Variants in MAP3K4 observed in about 807,000 individuals in gnomAD.
The protein encoded by MAP3K4 is MAP three kinase 1.
A neutral mutation model predicts 185.6 loss-of-function variants in MAP3K4; 67 were observed. That is an observed-to-expected ratio of 0.36 (90% CI 0.30 to 0.44). The LOEUF (loss-of-function observed/expected upper bound fraction) is 0.44. Among genes scored for constraint, MAP3K4 ranks in the 20% least tolerant of loss-of-function variants. The probability of loss-of-function intolerance (pLI) is 1.00; values close to 1 mark genes in which losing one functional copy is unlikely to be tolerated. For synonymous variants in MAP3K4, 702 were observed against 710.4 expected, an observed-to-expected ratio of 0.99 and a Z score of 0.19; for missense variants, 1,551 against 1,995.1, an observed-to-expected ratio of 0.78 and a Z score of 4.24.
chr6:160,997,212 A>C (rs1230990442), intron 1 of MAP3K4, among the ~76,000 whole-genome samples: 1 of 152,056 alleles, frequency 6.6e-6, no homozygotes, highest in African/African-American at 2.4e-5. Flanking sequence ...GGATCACCTT[A>C]TTGTCTCCAT....
In MAP3K4 at chr6:161,037,066, G is replaced by A. The variant is rs1489224721; in HGVS notation, c.343+2617G>A. On this transcript the variant is annotated intron_variant, in intron 2 of 26. Transcript: ENST00000392142. This position sits in a 1 kb window ranked among gnomAD's most constrained non-coding sequence, Gnocchi z 4.2. ...TGTATATTAGAAAGTGGCTTCACAT[G>A]TATGCCAGCTGGTGAACTATTTCTT... Among the ~76,000 whole-genome samples the A allele has an allele frequency of 6.6e-6, 1 of 152,158 alleles. No homozygotes were observed. Among genetic ancestry groups the A allele is most frequent in the Non-Finnish European group, 1.5e-5 (1 of 68,026 alleles).
rs1778235859 is a variant in MAP3K4 at position 161,109,148 on chromosome 6, T to A, written c.4236+289T>A. The A allele has an allele frequency of 1.5e-6, 1 of 664,958 alleles. No homozygotes were observed. Among genetic ancestry groups the A allele is most frequent in the African/African-American group, 1.8e-5 (1 of 55,168 alleles). 41.2% of individuals were successfully genotyped at this position (664,958 alleles called of 1,614,324 possible). On this transcript the variant is annotated intron_variant, in intron 22 of 26. Transcript: ENST00000392142. This position sits in a 1 kb window ranked among gnomAD's most constrained non-coding sequence, Gnocchi z 5.7. ...GCCCCTTACACCACTTCTTGTGACT[T>A]TTTTTCCGTTTTTTTGCTGAACCAC...
At position 161,091,269 on chromosome 6, in the gene MAP3K4, G is replaced by C; in HGVS notation, c.2974-110G>C. On this transcript the variant is annotated intron_variant, in intron 11 of 26. Transcript: ENST00000392142. This position sits in a 1 kb window ranked among gnomAD's most constrained non-coding sequence, Gnocchi z 5.5. The stretch of plus-strand genomic sequence containing the variant: ...AATTCCTTTACCAAGTGGCTGAATT[G>C]TTTGTAGTGGTTAATGTCTGTGTGA... 1.3e-6 allele frequency: 1 copy of C among 769,330 alleles called. No homozygotes were observed. The highest frequency in any genetic ancestry group is 2.0e-6 in the Non-Finnish European group (1 of 497,268). The allele number at this position is 769,330 out of a possible 1,614,324, so 47.7% of individuals were successfully genotyped here. A position where few individuals can be genotyped will look rare whatever the true frequency, so the allele number is the denominator to read the frequency against.
At chr6:161,095,159 C>G (rs545661250) in intron 15 of MAP3K4, among the ~76,000 whole-genome samples, 2 of 152,268 alleles carry the variant, frequency 1.3e-5, no homozygotes, top group South Asian at 4.1e-4. Context: ...TAATAGCGCT[C>G]TCTGGAGACT....
chr6:160,997,194 G>T (rs1309676532), intron 1 of MAP3K4, among the ~76,000 whole-genome samples: 3 of 151,910 alleles, frequency 2.0e-5, no homozygotes, highest in Non-Finnish European at 4.4e-5. Context: ...CTAATGGTGA[G>T]TCTCAGAGGA....
chr6:161,029,869 G>GA (rs1782840493), intron 1 of MAP3K4, among the ~76,000 whole-genome samples: 1 of 151,478 alleles, frequency 6.6e-6, no homozygotes, highest in African/African-American at 2.4e-5. Flanking sequence ...TTGTTTTAAA[G>GA]AAAAAAGAAT....
In MAP3K4 at chr6:161,089,337, C is replaced by A. The variant is rs746846804; in HGVS notation, c.2839C>A (p.Leu947Ile). The change falls in exon 11 of 27, where the codon CTA (leucine) becomes ATA (isoleucine). Residue 947 changes from leucine (L) to isoleucine (I), a missense_variant. Leu to Ile is a conservative substitution (Grantham distance 5). Around this residue, in one of 16 missense-constraint regions of MAP3K4, gnomAD observed 261 missense variants for 306.5 expected, o/e 0.85. Coordinates refer to ENST00000392142, the MANE Select transcript of MAP3K4 (RefSeq NM_005922.4). ...LRSMQVDNLL[L>I]VVMQSAHLTI... is the part of the protein sequence containing the mutation. ...TTCCTCCCAGGTGGATAATCTTTTA[C>A]TAGTTGTCATGCAGTCTGCGCATCT... is the stretch of plus-strand genomic sequence containing the variant. The A allele has an allele frequency of 6.2e-7, 1 of 1,613,656 alleles. No individual in the cohort carries two copies.
At chr6:161,029,695 T>A (rs764946224) in intron 1 of MAP3K4, among the ~76,000 whole-genome samples, 2 of 152,202 alleles carry the variant, frequency 1.3e-5, no homozygotes, top group Non-Finnish European at 2.9e-5. Flanking sequence ...CATGTAAACA[T>A]TCTGAACTGG....
At chr6:161,111,053 G>T (rs369372165) in intron 23 of MAP3K4, among the ~76,000 whole-genome samples, 1 of 152,182 alleles carries the variant, frequency 6.6e-6, no homozygotes, top group Non-Finnish European at 1.5e-5. Flanking sequence ...ATGTACAGTC[G>T]CTCGAGAAGA....
At chr6:161,085,499 C>T (rs1245248581) in intron 7 of MAP3K4, among the ~76,000 whole-genome samples, 1 of 152,202 alleles carries the variant, frequency 6.6e-6, no homozygotes, top group Non-Finnish European at 1.5e-5. Context: ...TCATATGAGT[C>T]AAACTTGGCG....
chr6:161,023,672 A>G (rs916448484), intron 1 of MAP3K4, among the ~76,000 whole-genome samples: 2 of 152,218 alleles, frequency 1.3e-5, no homozygotes, highest in African/African-American at 4.8e-5. Flanking sequence ...TGAAATCTGT[A>G]TTTTTAACAG....
rs1306600263 is a variant in MAP3K4, at chr6:161,109,146, CTT to C, written c.4236+293_4236+294del. 21 of 724,124 alleles carry C rather than the reference CTT, an allele frequency of 2.9e-5. 1 individual carries two copies. Among genetic ancestry groups the C allele is most frequent in the South Asian group, 2.7e-4 (17 of 62,078 alleles). 44.9% of individuals were successfully genotyped at this position (724,124 alleles called of 1,614,324 possible). On this transcript the variant is annotated intron_variant, in intron 22 of 26. Transcript: ENST00000392142. The surrounding 1 kb of genome is among the most constrained non-coding windows in gnomAD (Gnocchi z 5.7). ...ACGCCCCTTACACCACTTCTTGTGA[CTT>C]TTTTTCCGTTTTTTTGCTGAACCAC...
At chr6:160,992,714 G>C (rs1583073458) in intron 1 of MAP3K4, among the ~76,000 whole-genome samples, 1 of 152,254 alleles carries the variant, frequency 6.6e-6, no homozygotes, top group East Asian at 1.9e-4. Context: ...GGATTCATTT[G>C]TCTAAAACTT....
intron 1 of MAP3K4, among the ~76,000 whole-genome samples, chr6:160,999,357 T>G (rs577523537): frequency 1.5e-4 from 23 of 152,362 alleles, no homozygotes; most frequent in African/African-American, 5.3e-4. Flanking sequence ...CTAAAGTCTT[T>G]TTATATGGGA....
rs1785875052 is a variant in MAP3K4 at position 161,088,916 on chromosome 6, TTTC to T, written c.2824-403_2824-401del. On this transcript the variant is annotated intron_variant, in intron 10 of 26. Transcript: ENST00000392142. The surrounding 1 kb of genome is among the most constrained non-coding windows in gnomAD (Gnocchi z 4.5). Reference sequence around the variant, plus strand: ...AAGAACAAAAGTAATAAAGTCTTGATTTCTTAATGTTTTATATAAGGCCCCTCA... The same window carrying T: ...AAGAACAAAAGTAATAAAGTCTTGATTTAATGTTTTATATAAGGCCCCTCA... 6.6e-6 allele frequency among the ~76,000 whole-genome samples: 1 copy of T among 152,210 alleles called. No homozygotes were observed. The highest frequency in any genetic ancestry group is 2.4e-5 in the African/African-American group (1 of 41,448).
chr6:161,085,773 G>A (rs967701074), intron 7 of MAP3K4, among the ~76,000 whole-genome samples: 4 of 152,174 alleles, frequency 2.6e-5, no homozygotes, highest in African/African-American at 9.7e-5. Flanking sequence ...AAAGAAACAT[G>A]AGAAGGCAGG....
At chr6:161,058,969 A>G (rs76304068) in intron 3 of MAP3K4, among the ~76,000 whole-genome samples, 7,132 of 152,188 alleles carry the variant, frequency 0.047, 206 homozygotes, top group Non-Finnish European at 0.056. Context: ...CTTAATTGAA[A>G]TGGAATTGTT....
At chr6:161,012,604 G>C (rs1254179039) in intron 1 of MAP3K4, among the ~76,000 whole-genome samples, 1 of 152,124 alleles carries the variant, frequency 6.6e-6, no homozygotes, top group Non-Finnish European at 1.5e-5. Flanking sequence ...TGCATTTTCA[G>C]ATAAGGGAGG....
chr6:161,111,630 C>T (rs550038552), intron 23 of MAP3K4, among the ~76,000 whole-genome samples: 1 of 152,324 alleles, frequency 6.6e-6, no homozygotes, highest in East Asian at 1.9e-4. Context: ...AGGCTACCTG[C>T]ACTGGTGTTA....
Sources: allele counts gnomAD v4.1 joint callset (sites outside exome capture counted in the v4.1 genomes callset), GRCh38; gene constraint gnomAD v4.1.1; regional missense constraint gnomAD v4.1.1; non-coding constraint Gnocchi (gnomAD v3.1); transcripts MANE v1.5; gene names NCBI Gene and HGNC (gene_info 2026-07-23, HGNC 2026-07-21).